CCDC91: variants seen among roughly 807,000 people sequenced by gnomAD.
CCDC91 encodes the protein coiled-coil domain-containing protein 91.
CCDC91 carries 48 observed loss-of-function variants against 63.2 expected under a neutral mutation model. The observed-to-expected ratio is 0.76, with a 90% CI of 0.60 to 0.97. The LOEUF (loss-of-function observed/expected upper bound fraction) is 0.97, where lower values mean the gene tolerates loss of function less well. Ranked by LOEUF, CCDC91 falls within the 50% of genes least tolerant of loss-of-function variation. The pLI is 0.00. For synonymous variants in CCDC91, 167 were observed against 165.8 expected, an observed-to-expected ratio of 1.01 and a Z score of -0.06; for missense variants, 500 against 494.6, an observed-to-expected ratio of 1.01 and a Z score of -0.10.
intron 12 of CCDC91, among the ~76,000 whole-genome samples, chr12:28,526,510 G>A (rs545880398): frequency 2.7e-4 from 41 of 152,104 alleles, no homozygotes; most frequent in Middle Eastern, 3.4e-3. Context: ...AGGTTACCTG[G>A]TGTTTTTGCC....
intron 1 of CCDC91, among the ~76,000 whole-genome samples, chr12:28,191,966 A>G (rs1033801436): frequency 2.0e-5 from 3 of 152,196 alleles, no homozygotes; most frequent in Admixed American, 2.0e-4. Flanking sequence ...TAGCAACAGT[A>G]TAAGCCCAAT....
chr12:28,316,838 C>T (rs1939942923), intron 6 of CCDC91, among the ~76,000 whole-genome samples: 2 of 151,702 alleles, frequency 1.3e-5, no homozygotes, highest in South Asian at 2.1e-4. Context: ...TATCTTGACC[C>T]TCTCTTTCTT....
intron 6 of CCDC91, among the ~76,000 whole-genome samples, chr12:28,338,991 C>T (rs1321340338): frequency 6.6e-6 from 1 of 152,130 alleles, no homozygotes; most frequent in African/African-American, 2.4e-5. Context: ...CAGGCATGCA[C>T]TACCATGCCT....
chr12:28,230,714 T>C (rs922839928), intron 1 of CCDC91, among the ~76,000 whole-genome samples: 3 of 152,140 alleles, frequency 2.0e-5, no homozygotes, highest in Non-Finnish European at 2.9e-5. Flanking sequence ...AGCCTCCACC[T>C]TCTGGACTCA....
chr12:28,422,703 A>G (rs946461091), intron 8 of CCDC91, among the ~76,000 whole-genome samples: 6 of 152,180 alleles, frequency 3.9e-5, no homozygotes, highest in Non-Finnish European at 8.8e-5. Context: ...GAGTTATTAC[A>G]AAGTGACATT....
chr12:28,528,086 G>A (rs930411924), intron 12 of CCDC91, among the ~76,000 whole-genome samples: 1 of 152,172 alleles, frequency 6.6e-6, no homozygotes, highest in Admixed American at 6.5e-5. Flanking sequence ...TCTGCACGCT[G>A]GATTCATGCC....
chr12:28,499,778 T>C (rs987060112), intron 12 of CCDC91, among the ~76,000 whole-genome samples: 13 of 152,150 alleles, frequency 8.5e-5, no homozygotes, highest in Admixed American at 7.9e-4. Context: ...AAGTCTTTGC[T>C]ATTGTGAATA....
intron 12 of CCDC91, among the ~76,000 whole-genome samples, chr12:28,516,043 A>G (rs1162281271): frequency 1.3e-5 from 2 of 152,018 alleles, no homozygotes; most frequent in African/African-American, 2.4e-5. Flanking sequence ...TAAGAAGAGA[A>G]TAGTCTTCTG....
At chr12:28,227,100 A>G (rs1255446686) in intron 1 of CCDC91, among the ~76,000 whole-genome samples, 1 of 152,102 alleles carries the variant, frequency 6.6e-6, no homozygotes, top group Non-Finnish European at 1.5e-5. Context: ...TCAACTTATC[A>G]TTGTTAAGCT....
At chr12:28,318,742 A>G (rs1940176008) in intron 6 of CCDC91, among the ~76,000 whole-genome samples, 1 of 151,990 alleles carries the variant, frequency 6.6e-6, no homozygotes, top group Admixed American at 6.6e-5. Flanking sequence ...AATAATTGAG[A>G]AAATCAAATT....
At chr12:28,456,364 A>G (rs1412036429) in intron 11 of CCDC91, among the ~76,000 whole-genome samples, 2 of 152,112 alleles carry the variant, frequency 1.3e-5, no homozygotes, top group African/African-American at 4.8e-5. Flanking sequence ...TAATGGTTGT[A>G]GGGGATTTCT....
chr12:28,376,149 T>A (rs1177961010), intron 7 of CCDC91, among the ~76,000 whole-genome samples: 1 of 151,906 alleles, frequency 6.6e-6, no homozygotes, highest in Non-Finnish European at 1.5e-5. Context: ...GTTATTCTGC[T>A]ACCCCATGGG....
At chr12:28,345,443 T>C (rs968135639) in intron 6 of CCDC91, among the ~76,000 whole-genome samples, 5 of 152,256 alleles carry the variant, frequency 3.3e-5, no homozygotes, top group Non-Finnish European at 7.4e-5. Flanking sequence ...GACCTTTTAC[T>C]ACAGTTACCT....
intron 8 of CCDC91, among the ~76,000 whole-genome samples, chr12:28,415,047 G>C (rs973663412): frequency 5.3e-5 from 8 of 151,958 alleles, no homozygotes; most frequent in Admixed American, 2.0e-4. Context: ...ATACCTCTAG[G>C]GTTTTAAATA....
chr12:28,468,205 CAAAG>C (rs1315777556), intron 11 of CCDC91, among the ~76,000 whole-genome samples: 1 of 145,672 alleles, frequency 6.9e-6, no homozygotes, highest in Non-Finnish European at 1.5e-5. Flanking sequence ...GACTAAGAAA[CAAAG>C]AGATGATCCA....
intron 12 of CCDC91, among the ~76,000 whole-genome samples, chr12:28,489,053 G>A (rs1951866361): frequency 6.6e-6 from 1 of 151,852 alleles, no homozygotes; most frequent in East Asian, 1.9e-4. Context: ...AGAGACCATT[G>A]GGACATACAA....
chr12:28,518,374 G>T (rs912585837), intron 12 of CCDC91, among the ~76,000 whole-genome samples: 3 of 151,736 alleles, frequency 2.0e-5, no homozygotes, highest in Admixed American at 2.0e-4. Context: ...GCATTTCCCT[G>T]ATCATTAGTG....
intron 6 of CCDC91, among the ~76,000 whole-genome samples, chr12:28,328,317 C>G (rs1490561922): frequency 6.6e-6 from 1 of 151,724 alleles, no homozygotes; most frequent in African/African-American, 2.4e-5. Flanking sequence ...TTTTTCTGCA[C>G]AAAAGTTTTG....
At chr12:28,218,727 GTGTA>G (rs1417753608) in intron 1 of CCDC91, among the ~76,000 whole-genome samples, 58 of 150,310 alleles carry the variant, frequency 3.9e-4, no homozygotes, top group Middle Eastern at 3.4e-3. Flanking sequence ...GTGTGTGTGT[GTGTA>G]TGTATGTATG....
Sources: allele counts gnomAD v4.1 joint callset (sites outside exome capture counted in the v4.1 genomes callset), GRCh38; gene constraint gnomAD v4.1.1; transcripts MANE v1.5; gene names NCBI Gene and HGNC (gene_info 2026-07-23, HGNC 2026-07-21).